The following MLLT1 variants were observed in gnomAD, a reference collection of about 807,000 sequenced individuals.
The protein encoded by MLLT1 is MLLT1 super elongation complex subunit.
Under a neutral mutation model 55.1 loss-of-function variants are expected in MLLT1, and 11 were observed. That is an observed-to-expected ratio of 0.20 (90% CI 0.13 to 0.33). MLLT1 has a LOEUF of 0.33. Ranked by LOEUF, MLLT1 falls within the 10% of genes least tolerant of loss-of-function variation. MLLT1 has a pLI of 1.00. For missense variants in MLLT1, 536 were observed against 760.6 expected, an observed-to-expected ratio of 0.70 and a Z score of 3.47; for synonymous variants, 323 against 320.1, an observed-to-expected ratio of 1.01 and a Z score of -0.10.
Position 6,273,481 on chromosome 19 carries a change from A to G in MLLT1, c.13-2722T>C, listed in dbSNP as rs2091410064. 6.6e-6 allele frequency among the ~76,000 whole-genome samples: 1 copy of G among 152,136 alleles called. No individual in the cohort carries two copies. The highest frequency in any genetic ancestry group is 6.5e-5 in the Admixed American group (1 of 15,272). On this transcript the variant is annotated intron_variant, in intron 1 of 11. Transcript: ENST00000252674. This position sits in a 1 kb window ranked among gnomAD's most constrained non-coding sequence, Gnocchi z 4.3. The stretch of plus-strand genomic sequence containing the variant: ...TCAGGTAAAAGTACCCCCACCAAAC[A>G]CACGAGGTGAGGGCTGAGCACCGGC...
chr19:6,236,245 T>A (rs1450339120), intron 3 of MLLT1, among the ~76,000 whole-genome samples: 1 of 152,154 alleles, frequency 6.6e-6, no homozygotes, highest in Non-Finnish European at 1.5e-5. Context: ...CGTGTCACAG[T>A]GTCTGCAGAG....
chr19:6,228,509 A>G (rs1187767684), intron 4 of MLLT1, among the ~76,000 whole-genome samples: 1 of 152,056 alleles, frequency 6.6e-6, no homozygotes, highest in African/African-American at 2.4e-5. Context: ...CAGAGACAAG[A>G]CACGGTCCTA....
chr19:6,230,828 T>C lies in MLLT1; in HGVS notation c.277-115A>G. 1 of 1,343,352 alleles carries C rather than the reference T, an allele frequency of 7.4e-7. No individual in the cohort carries two copies. The highest frequency in any genetic ancestry group is 1.0e-6 in the Non-Finnish European group (1 of 974,962). 83.2% of individuals were successfully genotyped at this position (1,343,352 alleles called of 1,614,324 possible). A position where few individuals can be genotyped will look rare whatever the true frequency, so the allele number is the denominator to read the frequency against. ...CTCACTGGGCCTCTGTTCCCCTCCC[T>C]CCGATTTGCGCCCACTTCTCTCTCA... On this transcript the variant is annotated intron_variant, in intron 3 of 11. Coordinates refer to ENST00000252674, the MANE Select transcript of MLLT1 (RefSeq NM_005934.4). The surrounding 1 kb of genome is among the most constrained non-coding windows in gnomAD (Gnocchi z 9.0).
In MLLT1 at chr19:6,273,196, G is replaced by A. The variant is rs1445204496; in HGVS notation, c.13-2437C>T. On this transcript the variant is annotated intron_variant, in intron 1 of 11. Transcript: ENST00000252674. This position sits in a 1 kb window ranked among gnomAD's most constrained non-coding sequence, Gnocchi z 4.3. ...GCCCCCGGCCCTCTGTGTAAGGCCT[G>A]GGGTGCAGGCAGAAAAGGGCGAATG... 1.3e-5 allele frequency among the ~76,000 whole-genome samples: 2 copies of A among 152,090 alleles called. No homozygotes were observed. Among genetic ancestry groups the A allele is most frequent in the East Asian group, 3.9e-4 (2 of 5,180 alleles).
At chr19:6,257,155 C>T (rs1186988773) in intron 3 of MLLT1, among the ~76,000 whole-genome samples, 1 of 152,152 alleles carries the variant, frequency 6.6e-6, no homozygotes, top group Non-Finnish European at 1.5e-5. Context: ...AAGGTGTGAG[C>T]GACAAGAGAA....
intron 3 of MLLT1, among the ~76,000 whole-genome samples, chr19:6,237,347 T>A (rs2091071923): frequency 6.6e-6 from 1 of 152,086 alleles, no homozygotes; most frequent in Non-Finnish European, 1.5e-5. Flanking sequence ...TGCAAGGTCT[T>A]CCCGCTCCTG....
rs754811255 is a variant in MLLT1 at position 6,214,058 on chromosome 19, C to T, written c.1308-20G>A. On this transcript the variant is annotated intron_variant, in intron 8 of 11. Coordinates refer to ENST00000252674, the MANE Select transcript of MLLT1 (RefSeq NM_005934.4). Reference sequence around the variant, plus strand: ...CTCAACCTGAACCGACACACGGGGGCGCATCAGGCCCCTGCCGCCACCACG... The same window carrying T: ...CTCAACCTGAACCGACACACGGGGGTGCATCAGGCCCCTGCCGCCACCACG... The T allele has an allele frequency of 4.9e-5, 68 of 1,390,058 alleles. No homozygotes were observed. The highest frequency in any genetic ancestry group is 5.6e-5 in the Non-Finnish European group (60 of 1,066,608). The allele number at this position is 1,390,058 out of a possible 1,614,324, so 86.1% of individuals were successfully genotyped here.
chr19:6,276,558 C>T (rs1011835479), intron 1 of MLLT1, among the ~76,000 whole-genome samples: 9 of 152,168 alleles, frequency 5.9e-5, no homozygotes, highest in Non-Finnish European at 1.3e-4. Context: ...GACACCACCT[C>T]CCAGCTCCCT....
chr19:6,231,360 AGGGCTGTGAGTGAG>A lies in MLLT1; in HGVS notation c.277-661_277-648del, dbSNP rs1224607354. ...AGGAGTTGACAGGGTGGCCTGGAAA[AGGGCTGTGAGTGAG>A]GGGCTGTGATGAATACAGAAAGGCC... is the stretch of plus-strand genomic sequence containing the variant. On this transcript the variant is annotated intron_variant, in intron 3 of 11. Coordinates refer to ENST00000252674, the MANE Select transcript of MLLT1 (RefSeq NM_005934.4). The surrounding 1 kb of genome is among the most constrained non-coding windows in gnomAD (Gnocchi z 5.1). 6.6e-6 allele frequency among the ~76,000 whole-genome samples: 1 copy of A among 152,066 alleles called. No individual in the cohort carries two copies. The highest frequency in any genetic ancestry group is 1.5e-5 in the Non-Finnish European group (1 of 67,990).
intron 3 of MLLT1, among the ~76,000 whole-genome samples, chr19:6,254,065 G>T (rs2144924107): frequency 6.6e-6 from 1 of 152,306 alleles, no homozygotes; most frequent in East Asian, 1.9e-4. Context: ...ATAGCTTCAG[G>T]ATGGGGGCTG....
intron 6 of MLLT1, 118 bp from the exon 7 acceptor site, chr19:6,218,159 C>G: frequency 7.0e-7 from 1 of 1,430,272 alleles, no homozygotes; most frequent in Non-Finnish European, 9.3e-7. Flanking sequence ...CCAGACACCC[C>G]TAGGGTCCCA....
At chr19:6,221,922 A>C (rs2090901563) in intron 6 of MLLT1, among the ~76,000 whole-genome samples, 199 bp downstream of exon 6, 1 of 152,226 alleles carries the variant, frequency 6.6e-6, no homozygotes, top group Non-Finnish European at 1.5e-5. Flanking sequence ...CTCACGAGGC[A>C]GACTTTATCA....
intron 3 of MLLT1, among the ~76,000 whole-genome samples, chr19:6,242,514 G>A (rs989821351): frequency 6.6e-6 from 1 of 152,168 alleles, no homozygotes; most frequent in South Asian, 2.1e-4. Context: ...TGGGGAGGAG[G>A]TCTAATATTA....
chr19:6,256,479 G>A lies in MLLT1; in HGVS notation c.276+5749C>T, dbSNP rs2091257766. Among the ~76,000 whole-genome samples, 1 of 151,554 alleles carries A rather than the reference G, an allele frequency of 6.6e-6. No individual in the cohort carries two copies. The highest frequency in any genetic ancestry group is 2.4e-5 in the African/African-American group (1 of 41,230). ...GACAAAAAAAGAAAAAAAAGGCGGG[G>A]CACGGTGGCTCACGCCTGTAATCTC... On this transcript the variant is annotated intron_variant, in intron 3 of 11. Coordinates refer to ENST00000252674, the MANE Select transcript of MLLT1 (RefSeq NM_005934.4). This position sits in a 1 kb window ranked among gnomAD's most constrained non-coding sequence, Gnocchi z 4.1.
chr19:6,265,911 G>A (rs2091345173), intron 2 of MLLT1, among the ~76,000 whole-genome samples: 1 of 151,318 alleles, frequency 6.6e-6, no homozygotes, highest in Admixed American at 6.6e-5. Context: ...CCCGGGAGGC[G>A]GAGGTTGCAG....
intron 3 of MLLT1, among the ~76,000 whole-genome samples, chr19:6,245,642 CAG>C (rs2091161265): frequency 6.6e-6 from 1 of 152,008 alleles, no homozygotes; most frequent in African/African-American, 2.4e-5. Flanking sequence ...ACACGGGAGG[CAG>C]AGTTTGCAGT....
rs753989141 is a variant in MLLT1, at chr19:6,211,056, T to C, written c.*1986A>G. ...GCTGCTCGAGTCGCTGTGTGGATTT[T>C]GGGGGACTCCTGCGAAGGAGAAAGG... On this transcript the variant is annotated 3_prime_UTR_variant, in exon 12 of 12. Transcript: ENST00000252674. The surrounding 1 kb of genome is among the most constrained non-coding windows in gnomAD (Gnocchi z 4.6). 1.7e-5 allele frequency: 4 copies of C among 230,808 alleles called. No homozygotes were observed. The highest frequency in any genetic ancestry group is 3.4e-5 in the Non-Finnish European group (4 of 117,064). The allele number at this position is 230,808 out of a possible 1,614,324, so 14.3% of individuals were successfully genotyped here. A position where few individuals can be genotyped will look rare whatever the true frequency, so the allele number is the denominator to read the frequency against.
rs1230163790 is a variant in MLLT1, at chr19:6,262,814, G to A, written c.194-504C>T. On this transcript the variant is annotated intron_variant, in intron 2 of 11. Coordinates refer to ENST00000252674, the MANE Select transcript of MLLT1 (RefSeq NM_005934.4). The surrounding 1 kb of genome is among the most constrained non-coding windows in gnomAD (Gnocchi z 4.4). ...CCCAGGTGGCTGGGACCCTCCTCCT[G>A]GGTTCTAGTTTAGCACCTAATAAGA... Among the ~76,000 whole-genome samples, 2 of 151,940 alleles carry A rather than the reference G, an allele frequency of 1.3e-5. No homozygotes were observed.
chr19:6,214,521 G>A lies in MLLT1; in HGVS notation c.1308-483C>T, dbSNP rs145328539. ...CTCCATCAGTCACATCGGCCCCCCTGACCCTAGAGGGTGTGGTCCTAAACA... is the reference window on the plus strand; with the variant it reads ...CTCCATCAGTCACATCGGCCCCCCTAACCCTAGAGGGTGTGGTCCTAAACA... On this transcript the variant is annotated intron_variant, in intron 8 of 11. Transcript: ENST00000252674. 2.6e-5 allele frequency among the ~76,000 whole-genome samples: 4 copies of A among 152,270 alleles called. No individual in the cohort carries two copies. In the East Asian group the frequency reaches 7.7e-4, roughly 29 times the overall value.
Sources: gnomAD v4.1 joint callset for allele counts (sites outside exome capture counted in the v4.1 genomes callset) on GRCh38, gnomAD v4.1.1 for gene constraint, Gnocchi (gnomAD v3.1) non-coding constraint, MANE v1.5 for transcripts, NCBI Gene and HGNC (gene_info 2026-07-23, HGNC 2026-07-21) for gene names.